The following PCDHA5 variants were observed in gnomAD, a reference collection of about 807,000 sequenced individuals.
The protein encoded by PCDHA5 is protocadherin alpha-5.
PCDHA5 carries 43 observed loss-of-function variants against 61.6 expected under a neutral mutation model. That is an observed-to-expected ratio of 0.70 (90% CI 0.55 to 0.90). The LOEUF is 0.90. Among genes scored for constraint, PCDHA5 ranks in the 40% least tolerant of loss-of-function variants. PCDHA5 has a pLI of 0.00. For synonymous variants in PCDHA5, 627 were observed against 543.9 expected (o/e 1.15, Z -2.13); for missense variants, 1,298 against 1,222.7 (o/e 1.06, Z -0.92).
chr5:140,983,308 T>C (rs2153831139), intron 3 of PCDHA5, among the ~76,000 whole-genome samples: 1 of 152,322 alleles, frequency 6.6e-6, no homozygotes, highest in East Asian at 1.9e-4. Context: ...CACATTTGCT[T>C]GGTATCCTTA....
In PCDHA5 at chr5:140,847,222, G is replaced by A. The variant is rs1156761082; in HGVS notation, c.2352+23095G>A. 2.0e-5 allele frequency among the ~76,000 whole-genome samples: 3 copies of A among 149,704 alleles called. 1 individual carries two copies. ...GGCCACTCTTTAGAATTAATTGGGA[G>A]CTATTTAACTACCTTGAGCAAAATA... On this transcript the variant is annotated intron_variant, in intron 1 of 3. Transcript: ENST00000529859.
At chr5:140,868,066 G>A (rs2050262102) in intron 1 of PCDHA5, 1 of 151,806 alleles carries the variant, frequency 6.6e-6, no homozygotes. Context: ...AGATGTTCAG[G>A]GTGATTTTAT....
chr5:140,870,198 C>G, intron 1 of PCDHA5: 1 of 1,614,172 alleles, frequency 6.2e-7, no homozygotes, highest in Non-Finnish European at 8.5e-7. Context: ...CTCAGCCCAG[C>G]ACGGTCATTG....
At chr5:140,982,041 A>C (rs1450726743) in intron 2 of PCDHA5, among the ~76,000 whole-genome samples, 2 of 152,268 alleles carry the variant, frequency 1.3e-5, no homozygotes, top group Non-Finnish European at 2.9e-5. Context: ...TCCAATTATC[A>C]GAAAATATTT....
At chr5:140,874,516 G>A (rs1307179066) in intron 1 of PCDHA5, among the ~76,000 whole-genome samples, 4 of 152,210 alleles carry the variant, frequency 2.6e-5, no homozygotes, top group Non-Finnish European at 5.9e-5. Context: ...CTTGACTTTA[G>A]TCAATGAGAT....
chr5:140,973,606 G>T (rs1554235444), intron 1 of PCDHA5, among the ~76,000 whole-genome samples: 1 of 152,204 alleles, frequency 6.6e-6, no homozygotes, highest in African/African-American at 2.4e-5. Flanking sequence ...TTATGGCTGA[G>T]CTCTTCTCTG....
At chr5:140,849,750 T>G in intron 1 of PCDHA5, 1 of 1,598,370 alleles carries the variant, frequency 6.3e-7, no homozygotes, top group Admixed American at 1.7e-5. Context: ...CGAGAGTGTG[T>G]CCGCCTACGA....
intron 1 of PCDHA5, among the ~76,000 whole-genome samples, chr5:140,942,794 A>C (rs782783696): frequency 2.6e-4 from 39 of 152,326 alleles, no homozygotes; most frequent in Middle Eastern, 3.4e-3. Flanking sequence ...TTACAAAGGC[A>C]TGTTTTCCAC....
At chr5:140,945,206 A>G (rs148955371) in intron 1 of PCDHA5, among the ~76,000 whole-genome samples, 1 of 152,282 alleles carries the variant, frequency 6.6e-6, no homozygotes, top group East Asian at 1.9e-4. Context: ...TACAATAGCT[A>G]TGAGAAAATA....
At chr5:140,967,708 C>A (rs782464741) in intron 1 of PCDHA5, 1 of 1,614,158 alleles carries the variant, frequency 6.2e-7, no homozygotes, top group Admixed American at 1.7e-5. Context: ...ATGCCAGTAC[C>A]GGGGAAGTGC....
chr5:140,874,360 A>T (rs2054861600), intron 1 of PCDHA5, among the ~76,000 whole-genome samples: 2 of 152,234 alleles, frequency 1.3e-5, no homozygotes. Context: ...TGAATTAATG[A>T]ATAAACTCAT....
Position 140,924,836 on chromosome 5 carries a change from A to G in PCDHA5, c.2353-54113A>G, listed in dbSNP as rs182903893. ...CTTGAACCTGGGAGGGGGAGGTTGC[A>G]GGGAGCTCAGATCGTGCCACTGCAC... On this transcript the variant is annotated intron_variant, in intron 1 of 3. Coordinates refer to ENST00000529859, the MANE Select transcript of PCDHA5 (RefSeq NM_018908.3). Among the ~76,000 whole-genome samples, 1,210 of 151,808 alleles carry G rather than the reference A, an allele frequency of 8.0e-3. 6 individuals carry two copies. Among genetic ancestry groups the G allele is most frequent in the African/African-American group, 0.019 (780 of 41,292 alleles).
chr5:140,920,511 A>G (rs564811520), intron 1 of PCDHA5, among the ~76,000 whole-genome samples: 1 of 152,284 alleles, frequency 6.6e-6, no homozygotes, highest in East Asian at 1.9e-4. Flanking sequence ...ATACTGTTTT[A>G]TGCAATTCGT....
chr5:140,834,202 A>G, intron 1 of PCDHA5: 6 of 612,742 alleles, frequency 9.8e-6, no homozygotes, highest in Non-Finnish European at 1.7e-5. Flanking sequence ...CTTTACCGCA[A>G]ATTCTTTCGT....
chr5:140,960,886 A>G (rs1161636963), intron 1 of PCDHA5, among the ~76,000 whole-genome samples: 1 of 152,198 alleles, frequency 6.6e-6, no homozygotes, highest in African/African-American at 2.4e-5. Context: ...CACACTAATG[A>G]ATTTGGGGCA....
At chr5:140,903,487 A>G (rs2070330722) in intron 1 of PCDHA5, among the ~76,000 whole-genome samples, 1 of 152,242 alleles carries the variant, frequency 6.6e-6, no homozygotes, top group South Asian at 2.1e-4. Context: ...TATAGTTCTG[A>G]GCAGGTACCA....
chr5:140,881,353 G>A (rs537796043), intron 1 of PCDHA5: 1 of 985,178 alleles, frequency 1.0e-6, no homozygotes, highest in East Asian at 1.1e-4. Flanking sequence ...GCTACAATGC[G>A]TGGCTTTCGT....
At chr5:140,906,045 T>C (rs1002159774) in intron 1 of PCDHA5, among the ~76,000 whole-genome samples, 3 of 152,194 alleles carry the variant, frequency 2.0e-5, no homozygotes, top group African/African-American at 7.2e-5. Flanking sequence ...GCTTTTATTC[T>C]GGCTGCACTG....
rs2150121584 is a variant in PCDHA5, at chr5:140,823,038, G to A, written c.1263G>A (p.Glu421=). Residue 421 remains glutamate, a synonymous_variant, in exon 1 of 4, where the codon GAG becomes GAA. Coordinates refer to ENST00000529859, the MANE Select transcript of PCDHA5 (RefSeq NM_018908.3). ...ALDRESVSVY[E]LVVTARDGGS... ...ACCGCGAGAGCGTGTCGGTCTATGA[G>A]CTGGTGGTGACCGCGCGGGACGGGG... 3 of 1,614,120 alleles carry A rather than the reference G, an allele frequency of 1.9e-6. No homozygotes were observed. Among genetic ancestry groups the A allele is most frequent in the African/African-American group, 1.3e-5 (1 of 74,964 alleles).
Sources: gnomAD v4.1 joint callset for allele counts (sites outside exome capture counted in the v4.1 genomes callset) on GRCh38, gnomAD v4.1.1 for gene constraint, MANE v1.5 for transcripts, NCBI Gene and HGNC (gene_info 2026-07-23, HGNC 2026-07-21) for gene names.